PITPNC1: variants seen among roughly 807,000 people sequenced by gnomAD.
PITPNC1 encodes the protein phosphatidylinositol transfer protein cytoplasmic 1, also known as cytoplasmic phosphatidylinositol transfer protein 1.
In PITPNC1, 18 loss-of-function variants were observed where a neutral mutation model predicts 44.7. The observed-to-expected ratio is 0.40, with a 90% CI of 0.28 to 0.60. The LOEUF (loss-of-function observed/expected upper bound fraction) is 0.60, where lower values mean the gene tolerates loss of function less well. Among genes scored for constraint, PITPNC1 ranks in the 20% least tolerant of loss-of-function variants. The probability of loss-of-function intolerance (pLI) is 0.39; values close to 1 mark genes in which losing one functional copy is unlikely to be tolerated. For synonymous variants in PITPNC1, 141 were observed against 149.6 expected, an observed-to-expected ratio of 0.94 and a Z score of 0.42; for missense variants, 290 against 418.4, an observed-to-expected ratio of 0.69 and a Z score of 2.68.
chr17:67,509,902 G>C (rs1390052796), intron 1 of PITPNC1, among the ~76,000 whole-genome samples: 1 of 152,134 alleles, frequency 6.6e-6, no homozygotes, highest in Non-Finnish European at 1.5e-5. Context: ...GAATGGATTT[G>C]GAGCTTTGAA....
chr17:67,522,659 C>CTTTTTTTTTTTTTTT lies in PITPNC1; in HGVS notation c.49-10129_49-10128insTTTTTTTTTTTTTTT, dbSNP rs773797594. ...ATATCATAAAATTTACCATTTTAAT[C>CTTTTTTTTTTTTTTT]TTTTTTTTTTTTTTGGAAAATGAGG... On this transcript the variant is annotated intron_variant, in intron 1 of 8. Transcript: ENST00000581322. Among the ~76,000 whole-genome samples, 46 of 117,202 alleles carry CTTTTTTTTTTTTTTT rather than the reference C, an allele frequency of 3.9e-4. 8 individuals are homozygous for CTTTTTTTTTTTTTTT. Among genetic ancestry groups the CTTTTTTTTTTTTTTT allele is most frequent in the African/African-American group, 1.2e-3 (27 of 22,814 alleles). The allele number at this position is 117,202 out of a possible 152,430, so 76.9% of individuals were successfully genotyped here.
chr17:67,530,085 C>CTTTTTTTTTTTT (rs796278390), intron 1 of PITPNC1, among the ~76,000 whole-genome samples: 1 of 71,228 alleles, frequency 1.4e-5, no homozygotes, highest in Non-Finnish European at 2.6e-5. Context: ...CAACCCTTGG[C>CTTTTTTTTTTTT]TTTTTTTTTT....
In PITPNC1 at chr17:67,444,433, A is replaced by AG. The variant is rs200968398; in HGVS notation, c.48+66237dup. ...ATCTGGAGTGGGGACTGGGTGGCGG[A>AG]GGGGGGTGAGCAGAGGAAAATCTAG... On this transcript the variant is annotated intron_variant, in intron 1 of 8. Transcript: ENST00000581322. Among the ~76,000 whole-genome samples, 126 of 152,072 alleles carry AG rather than the reference A, an allele frequency of 8.3e-4. No homozygotes were observed. In the East Asian group the frequency reaches 0.02, roughly 24 times the overall value.
chr17:67,486,804 C>T (rs531220538), intron 1 of PITPNC1, among the ~76,000 whole-genome samples: 6 of 152,124 alleles, frequency 3.9e-5, no homozygotes, highest in Middle Eastern at 3.4e-3. Flanking sequence ...CCTGGAGTCC[C>T]GAGTGTGGCA....
intron 1 of PITPNC1, among the ~76,000 whole-genome samples, chr17:67,456,016 C>T (rs1473937374): frequency 6.6e-6 from 1 of 152,144 alleles, no homozygotes; most frequent in Non-Finnish European, 1.5e-5. Flanking sequence ...GCTGTATTTG[C>T]ATTTGTTACT....
intron 5 of PITPNC1, among the ~76,000 whole-genome samples, chr17:67,579,926 G>A (rs1331504388): frequency 1.4e-5 from 2 of 145,980 alleles, no homozygotes; most frequent in African/African-American, 5.1e-5. Context: ...GCAACAGAGC[G>A]AGACTCTGTC....
At chr17:67,434,251 TC>T (rs1255367439) in intron 1 of PITPNC1, among the ~76,000 whole-genome samples, 19 of 152,164 alleles carry the variant, frequency 1.2e-4, no homozygotes, top group African/African-American at 3.6e-4. Context: ...GTGTTACCCC[TC>T]CCTGTGCCCA....
At chr17:67,671,932 T>C (rs2042521049) in intron 7 of PITPNC1, among the ~76,000 whole-genome samples, 1 of 152,028 alleles carries the variant, frequency 6.6e-6, no homozygotes, top group Non-Finnish European at 1.5e-5. Context: ...ATAGTATTAT[T>C]TTGTTTTGTT....
rs1661553340 is a variant in PITPNC1 at position 67,606,281 on chromosome 17, T to G, written c.367-25862T>G. Among the ~76,000 whole-genome samples the G allele has an allele frequency of 2.6e-5, 4 of 152,358 alleles. No individual in the cohort carries two copies. The South Asian group carries it at 8.3e-4, about 32-fold the overall frequency. ...GAGGGAAAAGACAGAAGTATTTTCT[T>G]TATCAAACCTTGGGGAAAAGCATCT... On this transcript the variant is annotated intron_variant, in intron 5 of 8. Coordinates refer to ENST00000581322, the MANE Select transcript of PITPNC1 (RefSeq NM_012417.4).
intron 1 of PITPNC1, among the ~76,000 whole-genome samples, chr17:67,478,838 T>A (rs182443517): frequency 1.3e-5 from 2 of 151,986 alleles, no homozygotes; most frequent in East Asian, 3.9e-4. Context: ...TCCTCTGAAT[T>A]CAGAGGTTTT....
intron 8 of PITPNC1, among the ~76,000 whole-genome samples, chr17:67,691,217 AC>A (rs2042921934): frequency 6.6e-6 from 1 of 152,186 alleles, no homozygotes; most frequent in Non-Finnish European, 1.5e-5. Flanking sequence ...GAACTAAGGA[AC>A]TGTATTTTTG....
At chr17:67,624,214 C>CTT (rs71139163) in intron 5 of PITPNC1, among the ~76,000 whole-genome samples, 7,829 of 127,074 alleles carry the variant, frequency 0.062, 785 homozygotes, top group African/African-American at 0.18. Context: ...TCTTTCTTTT[C>CTT]TTTTTTTTTT....
chr17:67,527,783 T>A (rs565542338), intron 1 of PITPNC1, among the ~76,000 whole-genome samples: 1 of 152,174 alleles, frequency 6.6e-6, no homozygotes, highest in African/African-American at 2.4e-5. Context: ...AGTGGGAGAA[T>A]TGCTTAAGGC....
chr17:67,684,207 G>A (rs1348047425), intron 8 of PITPNC1, among the ~76,000 whole-genome samples: 3 of 150,060 alleles, frequency 2.0e-5, no homozygotes, highest in Non-Finnish European at 4.4e-5. Flanking sequence ...CGTCTCCCAG[G>A]TTCAAGCGAT....
chr17:67,661,465 C>G (rs1243001763), intron 6 of PITPNC1, among the ~76,000 whole-genome samples: 1 of 152,098 alleles, frequency 6.6e-6, no homozygotes, highest in Non-Finnish European at 1.5e-5. Context: ...CTCCCCTCAC[C>G]CCCAGGCCCA....
At chr17:67,453,967 G>A (rs903500811) in intron 1 of PITPNC1, among the ~76,000 whole-genome samples, 9 of 152,098 alleles carry the variant, frequency 5.9e-5, no homozygotes, top group Middle Eastern at 3.4e-3. Flanking sequence ...GTACAGGCTC[G>A]GGCTGGGCGT....
chr17:67,643,194 G>A (rs2042109380), intron 6 of PITPNC1, among the ~76,000 whole-genome samples: 2 of 152,156 alleles, frequency 1.3e-5, no homozygotes. Context: ...GAGGTCAGGA[G>A]TTCGAGACCA....
chr17:67,579,033 C>G (rs895968101), intron 5 of PITPNC1, among the ~76,000 whole-genome samples: 2 of 152,222 alleles, frequency 1.3e-5, no homozygotes, highest in Admixed American at 6.5e-5. Flanking sequence ...TGTGTGCATA[C>G]TGCATGCATG....
At chr17:67,491,920 G>C (rs949533370) in intron 1 of PITPNC1, among the ~76,000 whole-genome samples, 3 of 151,980 alleles carry the variant, frequency 2.0e-5, no homozygotes, top group African/African-American at 4.8e-5. Context: ...GAAATGAGGT[G>C]GGGTGTTGGG....
Sources: allele counts gnomAD v4.1 joint callset (sites outside exome capture counted in the v4.1 genomes callset), GRCh38; gene constraint gnomAD v4.1.1; transcripts MANE v1.5; gene names NCBI Gene and HGNC (gene_info 2026-07-23, HGNC 2026-07-21).